SULF1: variants seen among roughly 807,000 people sequenced by gnomAD.
SULF1 encodes extracellular sulfatase Sulf-1.
Under a neutral mutation model 110.5 loss-of-function variants are expected in SULF1, and 46 were observed. The ratio of observed to expected loss-of-function variants is 0.42; its 90% CI spans 0.33 to 0.53. The LOEUF (loss-of-function observed/expected upper bound fraction) is 0.53. SULF1 is among the 20% of genes least tolerant of loss of function. The pLI is 0.12. For synonymous variants in SULF1, 371 were observed against 387.1 expected, an observed-to-expected ratio of 0.96 and a Z score of 0.49; for missense variants, 941 against 1,094.2, an observed-to-expected ratio of 0.86 and a Z score of 1.98.
At chr8:69,552,259 A>C (rs1048966473) in intron 3 of SULF1, among the ~76,000 whole-genome samples, 2 of 152,156 alleles carry the variant, frequency 1.3e-5, no homozygotes, top group Non-Finnish European at 2.9e-5. Context: ...GCTCTTTTAA[A>C]GTGTCCAGTA....
At chr8:69,536,163 A>G (rs1813421523) in intron 3 of SULF1, among the ~76,000 whole-genome samples, 1 of 152,198 alleles carries the variant, frequency 6.6e-6, no homozygotes, top group South Asian at 2.1e-4. Context: ...TGTTTTGCGC[A>G]GATCATTTCA....
At chr8:69,531,881 G>A (rs1328495971) in intron 3 of SULF1, among the ~76,000 whole-genome samples, 1 of 152,258 alleles carries the variant, frequency 6.6e-6, no homozygotes, top group East Asian at 1.9e-4. Flanking sequence ...GCGGCTCTAA[G>A]CTGATTACAT....
intron 21 of SULF1, among the ~76,000 whole-genome samples, chr8:69,640,232 TCAAC>T (rs2130682570): frequency 1.3e-5 from 2 of 152,194 alleles, no homozygotes; most frequent in Admixed American, 1.3e-4. Flanking sequence ...ACTTGGAATC[TCAAC>T]CAACCATTAG....
chr8:69,517,788 T>G (rs1338356654), intron 3 of SULF1, among the ~76,000 whole-genome samples: 2 of 152,240 alleles, frequency 1.3e-5, no homozygotes, highest in Admixed American at 1.3e-4. Flanking sequence ...ATTTTTGTTT[T>G]CCTTGTGCAT....
rs113741676 is a variant in SULF1 at position 69,511,845 on chromosome 8, G to C, written c.-134+9877G>C. 7.7e-3 allele frequency among the ~76,000 whole-genome samples: 1,177 copies of C among 152,194 alleles called. 24 individuals carry two copies. The highest frequency in any genetic ancestry group is 0.025 in the African/African-American group (1,055 of 41,514). ...ACTGGTTTGCAAGTTATATACATTC[G>C]ATGACTTTTTTACAGCTACAACTAT... is the stretch of plus-strand genomic sequence containing the variant. On this transcript the variant is annotated intron_variant, in intron 3 of 22. Transcript: ENST00000402687.
intron 2 of SULF1, among the ~76,000 whole-genome samples, chr8:69,498,403 G>A (rs1044464009): frequency 6.6e-6 from 1 of 152,036 alleles, no homozygotes; most frequent in Non-Finnish European, 1.5e-5. Context: ...AGGATCCATC[G>A]GTGACTCAGA....
chr8:69,550,233 G>A (rs1814596392), intron 3 of SULF1, among the ~76,000 whole-genome samples: 4 of 151,534 alleles, frequency 2.6e-5, no homozygotes, highest in Admixed American at 2.0e-4. Context: ...GTGTAATCTT[G>A]AACAGATCCC....
intron 3 of SULF1, among the ~76,000 whole-genome samples, chr8:69,508,648 G>C (rs1378517279): frequency 6.6e-6 from 1 of 151,988 alleles, no homozygotes; most frequent in African/African-American, 2.4e-5. Flanking sequence ...TCTGACAATG[G>C]GATTCACCAT....
At chr8:69,620,263 C>T (rs1809499200) in intron 13 of SULF1, among the ~76,000 whole-genome samples, 1 of 152,184 alleles carries the variant, frequency 6.6e-6, no homozygotes, top group Non-Finnish European at 1.5e-5. Flanking sequence ...ATCTCCTTGT[C>T]TGCTTCCGGA....
At chr8:69,503,482 A>C (rs1191764593) in intron 3 of SULF1, among the ~76,000 whole-genome samples, 1 of 152,232 alleles carries the variant, frequency 6.6e-6, no homozygotes, top group Non-Finnish European at 1.5e-5. Flanking sequence ...TTAATAATTC[A>C]ATGAACAAGT....
intron 5 of SULF1, among the ~76,000 whole-genome samples, chr8:69,568,388 G>T (rs544647673): frequency 1.3e-5 from 2 of 152,284 alleles, no homozygotes; most frequent in Non-Finnish European, 2.9e-5. Context: ...TTATGAGCAG[G>T]AGCCCTTCCC....
intron 19 of SULF1, among the ~76,000 whole-genome samples, chr8:69,630,950 T>C (rs941170210): frequency 4.2e-4 from 64 of 152,078 alleles, no homozygotes; most frequent in African/African-American, 1.3e-3. Flanking sequence ...GTATATCTCC[T>C]AATGCTATCC....
intron 5 of SULF1, among the ~76,000 whole-genome samples, chr8:69,565,975 A>T (rs1040242418): frequency 3.9e-5 from 6 of 152,016 alleles, no homozygotes; most frequent in African/African-American, 1.4e-4. Context: ...TGTTCTTCAT[A>T]ACCCAGTTCA....
chr8:69,515,346 C>A (rs949253671), intron 3 of SULF1, among the ~76,000 whole-genome samples: 3 of 152,228 alleles, frequency 2.0e-5, no homozygotes, highest in Non-Finnish European at 4.4e-5. Flanking sequence ...AAGCAATGGT[C>A]CAAGCTTTAT....
At chr8:69,514,423 C>A (rs148202738) in intron 3 of SULF1, among the ~76,000 whole-genome samples, 2 of 152,124 alleles carry the variant, frequency 1.3e-5, no homozygotes, top group South Asian at 4.1e-4. Flanking sequence ...GGGAAATTCA[C>A]CCCCATGATT....
chr8:69,599,789 T>G (rs1807646323), intron 8 of SULF1, among the ~76,000 whole-genome samples: 1 of 152,156 alleles, frequency 6.6e-6, no homozygotes. Flanking sequence ...TGGCAGCATC[T>G]AATGGTTGAG....
chr8:69,589,837 T>C (rs1806761413), intron 8 of SULF1, among the ~76,000 whole-genome samples: 1 of 152,156 alleles, frequency 6.6e-6, no homozygotes, highest in African/African-American at 2.4e-5. Flanking sequence ...AAGAACATGA[T>C]TTTGTTGTTC....
Position 69,589,079 on chromosome 8 carries a change from C to T in SULF1, c.672C>T (p.Pro224=), listed in dbSNP as rs368146472. 25 of 1,614,186 alleles carry T rather than the reference C, an allele frequency of 1.5e-5. No individual in the cohort carries two copies. The African/African-American group carries it at 2.3e-4, about 15-fold the overall frequency. The change falls in exon 8 of 23, where the codon CCC becomes CCT. Residue 224 remains proline (P), a synonymous_variant. Transcript: ENST00000402687. ...TGATGGTGATCAGCCACGCTGCGCC[C>T]CACGGCCCCGAGGACTCAGCCCCAC... ...PVMMVISHAA[P]HGPEDSAPQF... is the part of the protein sequence containing the mutation.
chr8:69,574,490 C>T (rs1805460075), intron 5 of SULF1, among the ~76,000 whole-genome samples: 1 of 152,168 alleles, frequency 6.6e-6, no homozygotes, highest in Non-Finnish European at 1.5e-5. Flanking sequence ...AATCCAAGTT[C>T]CCTCTATTTT....
Sources: gnomAD v4.1 joint callset for allele counts (sites outside exome capture counted in the v4.1 genomes callset) on GRCh38, gnomAD v4.1.1 for gene constraint, MANE v1.5 for transcripts, NCBI Gene and HGNC (gene_info 2026-07-23, HGNC 2026-07-21) for gene names.